The following TAF4 variants were observed in gnomAD, a reference collection of about 807,000 sequenced individuals.
TAF4 encodes transcription initiation factor TFIID subunit 4.
A neutral mutation model predicts 90.3 loss-of-function variants in TAF4; 9 were observed. That is an observed-to-expected ratio of 0.10 (90% CI 0.06 to 0.17). The LOEUF (loss-of-function observed/expected upper bound fraction) is 0.17, where lower values mean the gene tolerates loss of function less well. Ranked by LOEUF, TAF4 falls within the 10% of genes least tolerant of loss-of-function variation. TAF4 has a pLI of 1.00. For missense variants in TAF4, 1,351 were observed against 1,370.7 expected (o/e 0.99, Z 0.23); for synonymous variants, 818 against 638.9 (o/e 1.28, Z -4.23).
intron 1 of TAF4, among the ~76,000 whole-genome samples, chr20:62,031,989 C>T (rs1187244076): frequency 6.6e-6 from 1 of 152,182 alleles, no homozygotes; most frequent in Non-Finnish European, 1.5e-5. Flanking sequence ...AAACAACCCT[C>T]CTTTCCTCAG....
intron 1 of TAF4, among the ~76,000 whole-genome samples, chr20:62,020,498 T>C (rs2055836772): frequency 6.6e-6 from 1 of 152,224 alleles, no homozygotes; most frequent in Non-Finnish European, 1.5e-5. Flanking sequence ...ACTCTTCATT[T>C]AAAAGAACAT....
chr20:61,977,207 G>A (rs369496188), intron 14 of TAF4, among the ~76,000 whole-genome samples: 16 of 139,124 alleles, frequency 1.2e-4, no homozygotes, highest in South Asian at 2.3e-4. Flanking sequence ...CGGGGCGCGC[G>A]CCACACACAC....
rs986532707 is a variant in TAF4 at position 61,994,478 on chromosome 20, T to C, written c.3090+3072A>G. Among the ~76,000 whole-genome samples the C allele has an allele frequency of 2.6e-5, 4 of 152,252 alleles. 1 individual carries two copies. Among genetic ancestry groups the C allele is most frequent in the Admixed American group, 2.6e-4 (4 of 15,284 alleles). The stretch of plus-strand genomic sequence containing the variant: ...CAAGATCTTTATTTTCTTCCTACAT[T>C]GTACCAGACATTTTAACCTGTACTG... On this transcript the variant is annotated intron_variant, in intron 14 of 14. Coordinates refer to ENST00000252996, the MANE Select transcript of TAF4 (RefSeq NM_003185.4).
chr20:62,031,237 G>A (rs866601841), intron 1 of TAF4, among the ~76,000 whole-genome samples: 1 of 152,126 alleles, frequency 6.6e-6, no homozygotes, highest in Non-Finnish European at 1.5e-5. Context: ...AGGTCGGAAC[G>A]TGGCCAGGCT....
At chr20:61,987,888 T>G (rs552441933) in intron 14 of TAF4, among the ~76,000 whole-genome samples, 4 of 152,268 alleles carry the variant, frequency 2.6e-5, no homozygotes, top group African/African-American at 9.6e-5. Context: ...TAGTGCTCAG[T>G]GCTGAAAAGA....
At chr20:61,977,787 G>A (rs983497756) in intron 14 of TAF4, among the ~76,000 whole-genome samples, 2 of 152,232 alleles carry the variant, frequency 1.3e-5, no homozygotes, top group African/African-American at 2.4e-5. Context: ...GAACTCAGGC[G>A]AGGTGAGTGA....
At position 62,065,043 on chromosome 20, in the gene TAF4, CGA is replaced by C; in HGVS notation, c.766_767del (p.Ser256AlafsTer205). ...AAAPPAPAAP[S>X]PPAAPAPAAP... ...CGGCGGGCGCGGGGGCGGCGGGGGGCGAGGGCGCGGCGGGCGCGGGGGGCGCG... is the reference window on the plus strand; with the variant it reads ...CGGCGGGCGCGGGGGCGGCGGGGGGCGGGCGCGGCGGGCGCGGGGGGCGCG... On this transcript the variant is annotated frameshift_variant, in exon 1 of 15. Coordinates refer to ENST00000252996, the MANE Select transcript of TAF4 (RefSeq NM_003185.4). LOFTEE classifies it high-confidence loss of function. The C allele has an allele frequency of 1.7e-6, 1 of 577,354 alleles. No individual in the cohort carries two copies. The highest frequency in any genetic ancestry group is 2.0e-6 in the Non-Finnish European group (1 of 506,198). 35.8% of individuals were successfully genotyped at this position (577,354 alleles called of 1,614,324 possible). A position where few individuals can be genotyped will look rare whatever the true frequency, so the allele number is the denominator to read the frequency against.
chr20:61,990,869 C>T (rs533583518), intron 14 of TAF4, among the ~76,000 whole-genome samples: 2 of 152,324 alleles, frequency 1.3e-5, no homozygotes, highest in South Asian at 4.1e-4. Context: ...ACCACAAAGT[C>T]AGCAAACGCT....
chr20:62,063,065 C>T (rs2056098660), intron 1 of TAF4, among the ~76,000 whole-genome samples: 1 of 152,210 alleles, frequency 6.6e-6, no homozygotes. Context: ...TCTGGCAAAA[C>T]ACCCCTACAA....
chr20:61,993,065 C>T (rs1402479671), intron 14 of TAF4, among the ~76,000 whole-genome samples: 2 of 152,296 alleles, frequency 1.3e-5, no homozygotes, highest in Middle Eastern at 3.4e-3. Flanking sequence ...GTTTACCCTG[C>T]GTCTCCTCTA....
intron 14 of TAF4, among the ~76,000 whole-genome samples, chr20:61,989,910 G>A (rs2055620309): frequency 1.3e-5 from 2 of 152,220 alleles, no homozygotes; most frequent in Non-Finnish European, 2.9e-5. Context: ...AGCAGCCCCA[G>A]GGGTGGCGAC....
chr20:62,032,125 A>T (rs1306622342), intron 1 of TAF4, among the ~76,000 whole-genome samples: 1 of 152,172 alleles, frequency 6.6e-6, no homozygotes. Context: ...GATACGTTTG[A>T]TCTGCTAACT....
At chr20:62,023,813 G>A (rs912473697) in intron 1 of TAF4, among the ~76,000 whole-genome samples, 15 of 150,176 alleles carry the variant, frequency 1.0e-4, no homozygotes, top group Non-Finnish European at 1.9e-4. Context: ...TCTCAGGGCC[G>A]GGCTCACACC....
chr20:61,996,779 C>A (rs2055665319), intron 14 of TAF4, among the ~76,000 whole-genome samples: 2 of 130,936 alleles, frequency 1.5e-5, no homozygotes, highest in South Asian at 2.4e-4. Context: ...CACCTGGCGA[C>A]AGAGCAAGAC....
rs544080949 is a variant in TAF4 at position 62,057,347 on chromosome 20, C to T, written c.1360+7104G>A. On this transcript the variant is annotated intron_variant, in intron 1 of 14. Coordinates refer to ENST00000252996, the MANE Select transcript of TAF4 (RefSeq NM_003185.4). ...TCCACTCAGACCTCTGACCCCAACC[C>T]CGAAACAATTCCCTTGGGAGCCACA... Among the ~76,000 whole-genome samples, 37 of 152,328 alleles carry T rather than the reference C, an allele frequency of 2.4e-4. 1 individual carries two copies. In the South Asian group the frequency reaches 7.7e-3, roughly 32 times the overall value.
At chr20:62,063,699 T>TA (rs1486892583) in intron 1 of TAF4, among the ~76,000 whole-genome samples, 1 of 151,860 alleles carries the variant, frequency 6.6e-6, no homozygotes, top group Non-Finnish European at 1.5e-5. Flanking sequence ...GCAACCAGAG[T>TA]AGCTAGGCGC....
chr20:62,064,276 G>T, intron 1 of TAF4, 175 bp downstream of exon 1: 1 of 672,474 alleles, frequency 1.5e-6, no homozygotes, highest in African/African-American at 1.9e-5. Flanking sequence ...TGGCTCACTC[G>T]CAGACAGCCA....
At chr20:62,015,851 A>G (rs776080931) in intron 1 of TAF4, among the ~76,000 whole-genome samples, 2 of 152,368 alleles carry the variant, frequency 1.3e-5, no homozygotes, top group Non-Finnish European at 2.9e-5. Context: ...CATGGTATCA[A>G]GAATAATGGT....
intron 1 of TAF4, among the ~76,000 whole-genome samples, chr20:62,060,182 T>C (rs731657): frequency 0.23 from 35,659 of 152,190 alleles, 4,863 homozygotes; most frequent in Non-Finnish European, 0.31. Context: ...CTCTCTGCCC[T>C]GGGAGAAGGC....
Sources: gnomAD v4.1 joint callset for allele counts (sites outside exome capture counted in the v4.1 genomes callset) on GRCh38, gnomAD v4.1.1 for gene constraint, MANE v1.5 for transcripts, NCBI Gene and HGNC (gene_info 2026-07-23, HGNC 2026-07-21) for gene names.